The following DLG2 variants were observed in gnomAD, a reference collection of about 807,000 sequenced individuals.
The protein encoded by DLG2 is disks large homolog 2.
A neutral mutation model predicts 132.5 loss-of-function variants in DLG2; 45 were observed. The observed-to-expected ratio is 0.34, with a 90% CI of 0.27 to 0.44. DLG2 has a LOEUF of 0.44. DLG2 is among the 20% of genes least tolerant of loss of function. The pLI, the probability that DLG2 is intolerant of heterozygous loss-of-function variation, is 1.00. For synonymous variants in DLG2, 424 were observed against 419.6 expected, an observed-to-expected ratio of 1.01 and a Z score of -0.13; for missense variants, 1,045 against 1,196.9, an observed-to-expected ratio of 0.87 and a Z score of 1.87.
intron 3 of DLG2, among the ~76,000 whole-genome samples, chr11:85,341,146 C>A (rs2082469301): frequency 6.6e-6 from 1 of 151,752 alleles, no homozygotes; most frequent in Non-Finnish European, 1.5e-5. Flanking sequence ...TGAGACAGAG[C>A]CTCACTCTGT....
intron 3 of DLG2, among the ~76,000 whole-genome samples, chr11:85,408,741 G>T (rs1325633817): frequency 6.6e-6 from 1 of 151,398 alleles, no homozygotes; most frequent in African/African-American, 2.4e-5. Flanking sequence ...ATTTTTTATG[G>T]CTACATAGTA....
At chr11:83,892,576 T>C (rs900404238) in intron 15 of DLG2, among the ~76,000 whole-genome samples, 3 of 152,154 alleles carry the variant, frequency 2.0e-5, no homozygotes, top group Non-Finnish European at 4.4e-5. Context: ...AGCAACTATA[T>C]TGTATGCAAG....
At chr11:84,900,046 G>C (rs750827637) in intron 6 of DLG2, among the ~76,000 whole-genome samples, 24 of 152,020 alleles carry the variant, frequency 1.6e-4, no homozygotes, top group Non-Finnish European at 3.2e-4. Flanking sequence ...AGATCATTAA[G>C]AATATTTCCT....
chr11:84,614,073 C>G (rs55935282), intron 6 of DLG2, among the ~76,000 whole-genome samples: 2,905 of 152,278 alleles, frequency 0.019, 32 homozygotes, highest in Non-Finnish European at 0.027. Context: ...AGTAAGATAA[C>G]TAGCACTGTG....
At chr11:84,984,330 C>T (rs2056185992) in intron 6 of DLG2, among the ~76,000 whole-genome samples, 1 of 152,112 alleles carries the variant, frequency 6.6e-6, no homozygotes, top group Admixed American at 6.5e-5. Flanking sequence ...CTATATTCAG[C>T]CTCCTTAAAT....
At chr11:84,616,760 C>T (rs1008729935) in intron 6 of DLG2, among the ~76,000 whole-genome samples, 1 of 152,046 alleles carries the variant, frequency 6.6e-6, no homozygotes, top group Non-Finnish European at 1.5e-5. Flanking sequence ...CAAATGAAAT[C>T]ACTTTTGAGA....
intron 6 of DLG2, among the ~76,000 whole-genome samples, chr11:84,606,387 CAT>C (rs749637326): frequency 1.2e-3 from 176 of 152,212 alleles, no homozygotes; most frequent in African/African-American, 3.7e-3. Context: ...CACACACACA[CAT>C]GGAAATACTC....
intron 9 of DLG2, among the ~76,000 whole-genome samples, chr11:84,157,555 T>C (rs947633866): frequency 2.6e-5 from 4 of 152,210 alleles, no homozygotes; most frequent in Non-Finnish European, 5.9e-5. Context: ...CTCAGCCTCC[T>C]GAGTAGCTGG....
intron 3 of DLG2, among the ~76,000 whole-genome samples, chr11:85,441,800 C>T (rs746421024): frequency 1.2e-4 from 18 of 152,006 alleles, no homozygotes; most frequent in Non-Finnish European, 2.1e-4. Flanking sequence ...AGACAAGGAT[C>T]CTGTCCAGGA....
At chr11:83,505,535 C>T (rs2094650535) in intron 21 of DLG2, among the ~76,000 whole-genome samples, 1 of 152,202 alleles carries the variant, frequency 6.6e-6, no homozygotes. Context: ...ACATGGGATA[C>T]AAATATCTTC....
At chr11:85,494,979 A>G (rs2093639149) in intron 3 of DLG2, among the ~76,000 whole-genome samples, 1 of 152,134 alleles carries the variant, frequency 6.6e-6, no homozygotes, top group African/African-American at 2.4e-5. Context: ...GGATTTTATA[A>G]CAAAGTCCCA....
intron 3 of DLG2, among the ~76,000 whole-genome samples, chr11:85,365,936 G>T (rs1307533927): frequency 6.6e-6 from 1 of 152,170 alleles, no homozygotes; most frequent in East Asian, 1.9e-4. Flanking sequence ...CCTGCCAGGA[G>T]GTGGGGGGCT....
chr11:85,093,194 G>A (rs985618652), intron 6 of DLG2, among the ~76,000 whole-genome samples: 22 of 152,144 alleles, frequency 1.4e-4, no homozygotes, highest in Non-Finnish European at 7.3e-5. Flanking sequence ...AGGTTGCCGG[G>A]CTTGTTGAAA....
At chr11:84,774,648 C>T (rs2070100233) in intron 6 of DLG2, among the ~76,000 whole-genome samples, 1 of 152,056 alleles carries the variant, frequency 6.6e-6, no homozygotes, top group African/African-American at 2.4e-5. Context: ...TGCACAACTA[C>T]AGCCACCTGC....
At chr11:84,786,187 T>C (rs2072863131) in intron 6 of DLG2, among the ~76,000 whole-genome samples, 1 of 152,136 alleles carries the variant, frequency 6.6e-6, no homozygotes, top group Non-Finnish European at 1.5e-5. Flanking sequence ...TTGGTTTTTA[T>C]CCCAGCTCCC....
chr11:83,871,405 G>A (rs1053654600), intron 16 of DLG2, among the ~76,000 whole-genome samples: 3 of 152,196 alleles, frequency 2.0e-5, no homozygotes, highest in African/African-American at 2.4e-5. Context: ...TTTATGTCAA[G>A]TAAATAGCAA....
intron 17 of DLG2, among the ~76,000 whole-genome samples, chr11:83,819,361 C>T (rs1291634870): frequency 1.4e-5 from 2 of 145,420 alleles, no homozygotes; most frequent in Non-Finnish European, 3.0e-5. Context: ...CCCCAGCTAA[C>T]TGGGAGGCTG....
intron 15 of DLG2, among the ~76,000 whole-genome samples, chr11:83,924,911 C>T (rs2078676901): frequency 6.6e-6 from 1 of 152,022 alleles, no homozygotes; most frequent in African/African-American, 2.4e-5. Context: ...ATAGATAATG[C>T]TTCTTATACA....
intron 3 of DLG2, among the ~76,000 whole-genome samples, chr11:85,380,022 A>G (rs1156732031): frequency 6.6e-6 from 1 of 152,214 alleles, no homozygotes; most frequent in African/African-American, 2.4e-5. Context: ...AACAAAATAT[A>G]AAAGTACTAC....
Sources: allele counts gnomAD v4.1 joint callset (sites outside exome capture counted in the v4.1 genomes callset), GRCh38; gene constraint gnomAD v4.1.1; transcripts MANE v1.5; gene names NCBI Gene and HGNC (gene_info 2026-07-23, HGNC 2026-07-21).